The following RALB variants were observed in gnomAD, a reference collection of about 807,000 sequenced individuals.
RALB encodes RAS like proto-oncogene B.
In RALB, 16 loss-of-function variants were observed where a neutral mutation model predicts 21.3. The observed-to-expected ratio is 0.75, with a 90% confidence interval of 0.51 to 1.14. The LOEUF (loss-of-function observed/expected upper bound fraction) is 1.14. Ranked by LOEUF, RALB falls within the 50% of genes most tolerant of loss-of-function variation. The pLI is 0.00. For missense variants in RALB, 161 were observed against 256.2 expected (o/e 0.63, Z 2.54); for synonymous variants, 93 against 96.1 (o/e 0.97, Z 0.19).
chr2:120,253,671 G>A, intron 1 of RALB: 1 of 985,510 alleles, frequency 1.0e-6, no homozygotes, highest in South Asian at 4.7e-5. Context: ...GCTTGTGTGA[G>A]CAGTGTCCTC....
chr2:120,280,264 T>C (rs1333668166), intron 2 of RALB, among the ~76,000 whole-genome samples: 2 of 152,192 alleles, frequency 1.3e-5, no homozygotes, highest in Non-Finnish European at 2.9e-5. Context: ...TGTATGTTTA[T>C]TGCAGCACTA....
chr2:120,255,133 G>A (rs370846430), intron 1 of RALB, among the ~76,000 whole-genome samples: 21 of 152,308 alleles, frequency 1.4e-4, no homozygotes, highest in African/African-American at 4.6e-4. Flanking sequence ...ACTAGAGTGC[G>A]AAGAGATCTA....
At position 120,293,618 on chromosome 2, in the gene RALB, C is replaced by T. The variant is rs193151246; in HGVS notation, c.*358C>T. 1.2e-4 allele frequency: 20 copies of T among 163,710 alleles called. No individual in the cohort carries two copies. The highest frequency in any genetic ancestry group is 2.2e-4 in the Non-Finnish European group (17 of 76,190). The allele number at this position is 163,710 out of a possible 1,614,324, so 10.1% of individuals were successfully genotyped here. On this transcript the variant is annotated 3_prime_UTR_variant, in exon 5 of 5. Coordinates refer to ENST00000272519, the MANE Select transcript of RALB (RefSeq NM_002881.3). ...CTAGTTTTATAACATTACCATCCTT[C>T]GTTTTGAACTACAGATGTTGTAGTG...
intron 1 of RALB, among the ~76,000 whole-genome samples, chr2:120,260,616 G>A (rs977443316): frequency 4.6e-5 from 7 of 152,234 alleles, no homozygotes; most frequent in East Asian, 1.9e-4. Context: ...AAGTGGCGCC[G>A]AGAAAGGGCC....
upstream of RALB, among the ~76,000 whole-genome samples, chr2:120,249,105 G>A (rs139895209): frequency 1.4e-3 from 208 of 150,622 alleles, no homozygotes; most frequent in African/African-American, 4.9e-3. Context: ...CATGATCTTG[G>A]CTCACTGCAA....
chr2:120,273,070 C>A (rs1400404943), intron 1 of RALB, among the ~76,000 whole-genome samples: 1 of 152,182 alleles, frequency 6.6e-6, no homozygotes, highest in Non-Finnish European at 1.5e-5. Context: ...ACTGCACAGA[C>A]AAAACCAATT....
exon 1 of RALB, chr2:120,240,078 G>A (rs2104560706): frequency 7.8e-7 from 1 of 1,289,618 alleles, no homozygotes; most frequent in East Asian, 5.6e-5. Flanking sequence ...TCAGCAGCGG[G>A]AGAGCGGGTG....
chr2:120,255,082 T>G (rs1573322166), intron 1 of RALB, among the ~76,000 whole-genome samples: 1 of 152,318 alleles, frequency 6.6e-6, no homozygotes, highest in Non-Finnish European at 1.5e-5. Context: ...GAAACATCAT[T>G]AGAGACCTTT....
At chr2:120,265,663 G>A (rs1689483555) in intron 1 of RALB, among the ~76,000 whole-genome samples, 1 of 152,238 alleles carries the variant, frequency 6.6e-6, no homozygotes, top group Admixed American at 6.5e-5. Flanking sequence ...TAGTGGCTCA[G>A]AGTATGGACT....
intron 1 of RALB, among the ~76,000 whole-genome samples, chr2:120,266,080 C>T (rs916160231): frequency 2.6e-5 from 4 of 152,092 alleles, no homozygotes; most frequent in African/African-American, 9.7e-5. Flanking sequence ...TTTATTGTTG[C>T]TTTATAGTTC....
chr2:120,291,837 T>A (rs1156989482), intron 4 of RALB, among the ~76,000 whole-genome samples: 1 of 152,098 alleles, frequency 6.6e-6, no homozygotes, highest in Non-Finnish European at 1.5e-5. Flanking sequence ...TTGGGGGTGC[T>A]TTTCTGTGCC....
At chr2:120,277,630 G>A (rs1244998863) in intron 1 of RALB, among the ~76,000 whole-genome samples, 1 of 150,146 alleles carries the variant, frequency 6.7e-6, no homozygotes, top group African/African-American at 2.5e-5. Context: ...GAGCTTGTGA[G>A]TGTACATGAG....
At chr2:120,270,620 A>T (rs1301709105) in intron 1 of RALB, among the ~76,000 whole-genome samples, 1 of 151,242 alleles carries the variant, frequency 6.6e-6, no homozygotes, top group Non-Finnish European at 1.5e-5. Flanking sequence ...AAAATCGGTT[A>T]GTTTTTGTTG....
intron 1 of RALB, among the ~76,000 whole-genome samples, chr2:120,264,829 G>T (rs979301369): frequency 2.6e-5 from 4 of 152,022 alleles, no homozygotes; most frequent in African/African-American, 7.2e-5. Context: ...GATTGTTTTG[G>T]GTACCTCATA....
chr2:120,283,209 G>A (rs1690041026), intron 2 of RALB, among the ~76,000 whole-genome samples: 1 of 152,148 alleles, frequency 6.6e-6, no homozygotes, highest in African/African-American at 2.4e-5. Context: ...CCAACCTGTG[G>A]CTCAGGATGA....
intron 4 of RALB, among the ~76,000 whole-genome samples, chr2:120,290,581 A>C (rs1690282464): frequency 6.7e-6 from 1 of 150,286 alleles, no homozygotes; most frequent in African/African-American, 2.4e-5. Context: ...CCATCTTTGT[A>C]GTGTAGTCTC....
intron 2 of RALB, among the ~76,000 whole-genome samples, chr2:120,283,738 A>G (rs3931841): frequency 0.67 from 102,473 of 152,188 alleles, 34,955 homozygotes; most frequent in Middle Eastern, 0.8. Flanking sequence ...GAAAGGGTCC[A>G]CGTGAAGTTT....
chr2:120,277,358 T>C (rs1400413900), intron 1 of RALB, among the ~76,000 whole-genome samples: 1 of 79,450 alleles, frequency 1.3e-5, no homozygotes, highest in Non-Finnish European at 2.8e-5. Flanking sequence ...AACATGTGTG[T>C]GAGAGCATGT....
intron 1 of RALB, among the ~76,000 whole-genome samples, chr2:120,245,489 G>A (rs1574840613): frequency 1.3e-5 from 2 of 152,116 alleles, no homozygotes; most frequent in Admixed American, 6.5e-5. Flanking sequence ...AGGGCCTGCC[G>A]AGCCCTGGGC....
Sources: gnomAD v4.1 joint callset for allele counts (sites outside exome capture counted in the v4.1 genomes callset) on GRCh38, gnomAD v4.1.1 for gene constraint, MANE v1.5 for transcripts, NCBI Gene and HGNC (gene_info 2026-07-23, HGNC 2026-07-21) for gene names.